Variants in COL27A1 observed in about 807,000 individuals in gnomAD.
The protein encoded by COL27A1 is collagen alpha-1(XXVII) chain.
COL27A1 carries 106 observed loss-of-function variants against 251.3 expected under a neutral mutation model. The observed-to-expected ratio is 0.42, with a 90% CI of 0.36 to 0.50. The LOEUF (loss-of-function observed/expected upper bound fraction) is 0.50, where lower values mean the gene tolerates loss of function less well. Ranked by LOEUF, COL27A1 falls within the 20% of genes least tolerant of loss-of-function variation. The pLI is 0.00. For synonymous variants in COL27A1, 1,000 were observed against 986.3 expected, an observed-to-expected ratio of 1.01 and a Z score of -0.26; for missense variants, 2,325 against 2,522.8, an observed-to-expected ratio of 0.92 and a Z score of 1.68.
chr9:114,264,537 G>A, intron 29 of COL27A1, 129 bp downstream of exon 29: 1 of 688,114 alleles, frequency 1.5e-6, no homozygotes, highest in Non-Finnish European at 2.3e-6. Context: ...AGGCTGCAGG[G>A]CTCTTTCTGA....
intron 3 of COL27A1, among the ~76,000 whole-genome samples, chr9:114,170,725 T>C (rs908865367): frequency 1.3e-5 from 2 of 152,252 alleles, no homozygotes; most frequent in Non-Finnish European, 2.9e-5. Context: ...AAGTTCCGTG[T>C]TCTGAAATTG....
In COL27A1 at chr9:114,168,681, T is replaced by G; in HGVS notation, c.1126T>G (p.Ser376Ala). 6.2e-7 allele frequency: 1 copy of G among 1,613,978 alleles called. No individual in the cohort carries two copies. The highest frequency in any genetic ancestry group is 2.2e-5 in the East Asian group (1 of 44,866). Residue 376 changes from serine to alanine, a missense_variant, in exon 3 of 61, where the codon TCT (serine) becomes GCT (alanine). By Grantham distance (99) the Ser-to-Ala change is moderately conservative. This residue lies in a region of COL27A1 where 1,183 missense variants were observed against 1,144.1 expected (regional missense o/e 1.03). Coordinates refer to ENST00000356083, the MANE Select transcript of COL27A1 (RefSeq NM_032888.4). ...KSLPTKPSAP[S>A]TSIVPIKSPH... ...CCTCCCTACCAAGCCTTCGGCCCCT[T>G]CTACTTCAATTGTGCCCATCAAAAG... is the stretch of plus-strand genomic sequence containing the variant.
At chr9:114,304,587 C>A (rs757393828) in intron 56 of COL27A1, 21 bp from the exon 57 acceptor site, 9 of 1,613,638 alleles carry the variant, frequency 5.6e-6, no homozygotes. Context: ...ACGATACATA[C>A]CCTGTCTTTT....
rs1829387527 is a variant in COL27A1 at position 114,310,694 on chromosome 9, G to A, written c.5582G>A (p.Ter1861=). Residue 1861 remains the stop codon, a stop_retained_variant, in exon 61 of 61, where the codon TGA becomes TAA. Transcript: ENST00000356083. ...GAAGTTGGACCTGCGTGCTTCCTCT[G>A]ACCTCTGACCTCGTGGCCACTCTAG... ...RLEVGPACFL[*] 2 of 1,614,076 alleles carry A rather than the reference G, an allele frequency of 1.2e-6. No individual in the cohort carries two copies. The highest frequency in any genetic ancestry group is 1.1e-5 in the South Asian group (1 of 91,068).
intron 8 of COL27A1, 152 bp from the exon 9 acceptor site, chr9:114,205,607 G>A (rs1829897624): frequency 7.0e-6 from 5 of 713,572 alleles, no homozygotes; most frequent in African/African-American, 1.8e-5. Context: ...TTCACAGAGG[G>A]GTGGGCTTGG....
chr9:114,242,745 G>A (rs1408849979), intron 22 of COL27A1, among the ~76,000 whole-genome samples: 2 of 152,248 alleles, frequency 1.3e-5, no homozygotes, highest in Non-Finnish European at 2.9e-5. Flanking sequence ...TTTTGTTTGA[G>A]TGGGTTACAC....
In COL27A1 at chr9:114,169,340, G is replaced by A. The variant is rs781558892; in HGVS notation, c.1785G>A (p.Ala595=). ...QTTPALVLAP[A]QFLSSSPRPT... Reference sequence around the variant, plus strand: ...CCCCGGCCCTGGTATTGGCCCCGGCGCAATTCCTGTCCTCCAGCCCCCGGC... The same window carrying A: ...CCCCGGCCCTGGTATTGGCCCCGGCACAATTCCTGTCCTCCAGCCCCCGGC... Residue 595 remains alanine, a synonymous_variant, in exon 3 of 61, where the codon GCG becomes GCA. Transcript: ENST00000356083. The A allele has an allele frequency of 2.3e-5, 37 of 1,612,216 alleles. No individual in the cohort carries two copies. Among genetic ancestry groups the A allele is most frequent in the Non-Finnish European group, 2.8e-5 (33 of 1,179,744 alleles).
At chr9:114,307,912 C>T in intron 59 of COL27A1, 134 bp downstream of exon 59, 1 of 601,408 alleles carries the variant, frequency 1.7e-6, no homozygotes, top group Non-Finnish European at 2.9e-6. Context: ...TTATCGCCTC[C>T]TTCCGAGACT....
upstream of COL27A1, among the ~76,000 whole-genome samples, chr9:114,154,902 CG>C (rs1848034429): frequency 6.6e-6 from 1 of 151,964 alleles, no homozygotes; most frequent in African/African-American, 2.4e-5. The surrounding 1 kb of genome is among the most constrained non-coding windows in gnomAD (Gnocchi z 5.8). Context: ...AGAATTTGCC[CG>C]GGGGCCAAGG....
chr9:114,263,640 C>G (rs1834514295), intron 28 of COL27A1, among the ~76,000 whole-genome samples: 2 of 152,144 alleles, frequency 1.3e-5, no homozygotes, highest in Admixed American at 1.3e-4. Flanking sequence ...CCTTAGTATT[C>G]CCATCTGTGC....
chr9:114,210,810 C>A (rs1360574328), intron 11 of COL27A1, among the ~76,000 whole-genome samples, 172 bp from the exon 12 acceptor site: 1 of 152,224 alleles, frequency 6.6e-6, no homozygotes, highest in Non-Finnish European at 1.5e-5. Context: ...CACCACAGAC[C>A]CCGACCCTGC....
At chr9:114,204,925 T>C (rs1280457516) in intron 7 of COL27A1, among the ~76,000 whole-genome samples, 177 bp from the exon 8 acceptor site, 4 of 152,192 alleles carry the variant, frequency 2.6e-5, no homozygotes, top group Non-Finnish European at 5.9e-5. Context: ...ACCTTAGGAA[T>C]ATGTGAACCC....
At chr9:114,244,858 G>T (rs1833005829) in intron 23 of COL27A1, among the ~76,000 whole-genome samples, 1 of 152,184 alleles carries the variant, frequency 6.6e-6, no homozygotes, top group Non-Finnish European at 1.5e-5. Flanking sequence ...GATCTGCTGT[G>T]GGCCTGAGGA....
At chr9:114,177,519 A>T (rs1018625955) in intron 3 of COL27A1, among the ~76,000 whole-genome samples, 1 of 152,178 alleles carries the variant, frequency 6.6e-6, no homozygotes, top group Non-Finnish European at 1.5e-5. Flanking sequence ...AGGCTGGACC[A>T]TGCTGTGGCC....
rs200705000 is a variant in COL27A1 at position 114,240,467 on chromosome 9, C to G, written c.2815C>G (p.Arg939Gly). ...KPGARGLPGP[R>G]GQLGPEGDEG... Reference sequence around the variant, plus strand: ...TGGAGCCCGAGGCCTGCCGGGACCCCGTGGGCAGCTGGGGCCCGAGGTGAG... The same window carrying G: ...TGGAGCCCGAGGCCTGCCGGGACCCGGTGGGCAGCTGGGGCCCGAGGTGAG... The change falls in exon 21 of 61, where the codon CGT (arginine) becomes GGT (glycine). Residue 939 changes from arginine to glycine, a missense_variant. Transcript: ENST00000356083. The G allele has an allele frequency of 6.2e-7, 1 of 1,612,334 alleles. No homozygotes were observed. The highest frequency in any genetic ancestry group is 8.5e-7 in the Non-Finnish European group (1 of 1,179,860).
chr9:114,304,227 C>T (rs989485229), intron 56 of COL27A1, among the ~76,000 whole-genome samples: 2 of 152,232 alleles, frequency 1.3e-5, no homozygotes, highest in Non-Finnish European at 2.9e-5. Context: ...GCAATGAGAA[C>T]AGCATGTGCA....
chr9:114,267,657 C>G, intron 34 of COL27A1, 100 bp downstream of exon 34: 1 of 1,125,888 alleles, frequency 8.9e-7, no homozygotes, highest in Non-Finnish European at 1.3e-6. Flanking sequence ...TTTCTTGTGG[C>G]TGGGATAATG....
chr9:114,234,807 G>T (rs930287139), intron 16 of COL27A1, among the ~76,000 whole-genome samples: 1 of 151,966 alleles, frequency 6.6e-6, no homozygotes, highest in Non-Finnish European at 1.5e-5. Context: ...GCCAGGCACA[G>T]TGGCTCACGC....
At chr9:114,236,948 C>T (rs1359444755) in intron 17 of COL27A1, 33 bp from the exon 18 acceptor site, 2 of 1,611,310 alleles carry the variant, frequency 1.2e-6, no homozygotes, top group Non-Finnish European at 1.7e-6. Flanking sequence ...TTCTCTTCCT[C>T]ACTAACCCCA....
Sources: allele counts gnomAD v4.1 joint callset (sites outside exome capture counted in the v4.1 genomes callset), GRCh38; gene constraint gnomAD v4.1.1; regional missense constraint gnomAD v4.1.1; non-coding constraint Gnocchi (gnomAD v3.1); transcripts MANE v1.5; gene names NCBI Gene and HGNC (gene_info 2026-07-23, HGNC 2026-07-21).